Variants in ANKFN1 observed in about 807,000 individuals in gnomAD.
ANKFN1 encodes the protein ankyrin repeat and fibronectin type-III domain-containing protein 1.
Under a neutral mutation model 108.7 loss-of-function variants are expected in ANKFN1, and 74 were observed. The ratio of observed to expected loss-of-function variants is 0.68; its 90% confidence interval spans 0.56 to 0.83. The LOEUF is 0.83. Ranked by LOEUF, ANKFN1 falls within the 40% of genes least tolerant of loss-of-function variation. ANKFN1 has a pLI of 0.00. For synonymous variants in ANKFN1, 547 were observed against 516.2 expected (o/e 1.06, Z -0.81); for missense variants, 1,505 against 1,382.3 (o/e 1.09, Z -1.41).
chr17:56,069,286 T>C lies in ANKFN1; in HGVS notation c.288+22961T>C, dbSNP rs577423429. ...TGGCAAGAAGAGAGAGACCAGAGGGTTTAATGCTTTGTATCTAAAGTGATG... is the reference window on the plus strand; with the variant it reads ...TGGCAAGAAGAGAGAGACCAGAGGGCTTAATGCTTTGTATCTAAAGTGATG... On this transcript the variant is annotated intron_variant, in intron 4 of 12. Coordinates refer to the ANKFN1 transcript ENST00000635860. 7.2e-5 allele frequency among the ~76,000 whole-genome samples: 11 copies of C among 152,050 alleles called. No individual in the cohort carries two copies. The South Asian group carries it at 2.3e-3, about 32-fold the overall frequency.
chr17:56,433,738 C>T lies in ANKFN1; in HGVS notation c.911-6589C>T, dbSNP rs900931068. Among the ~76,000 whole-genome samples, 9 of 151,768 alleles carry T rather than the reference C, an allele frequency of 5.9e-5. No individual in the cohort carries two copies. The South Asian group carries it at 8.3e-4, about 14-fold the overall frequency. ...CAAATAGGGTGCAGTGTATACTGCC[C>T]GGGTGATGGGTGCACCAAAATCTCA... On this transcript the variant is annotated intron_variant, in intron 8 of 20. Coordinates refer to ENST00000682825, the MANE Select transcript of ANKFN1 (RefSeq NM_001370326.1).
intron 8 of ANKFN1, among the ~76,000 whole-genome samples, chr17:56,426,425 C>A (rs189021279): frequency 5.9e-5 from 9 of 152,350 alleles, no homozygotes; most frequent in African/African-American, 2.2e-4. Flanking sequence ...GTGCCAGCTG[C>A]TGTCATGGAC....
At chr17:56,319,787 A>G (rs1025174449) in intron 3 of ANKFN1, among the ~76,000 whole-genome samples, 4 of 152,314 alleles carry the variant, frequency 2.6e-5, no homozygotes, top group African/African-American at 9.6e-5. Context: ...AATGCTTATC[A>G]GAGCTGATCT....
chr17:56,433,239 G>A (rs745349691), intron 8 of ANKFN1, among the ~76,000 whole-genome samples: 5 of 151,972 alleles, frequency 3.3e-5, no homozygotes, highest in Non-Finnish European at 7.4e-5. Context: ...TTAATGGAAT[G>A]GTGCAGTTTC....
chr17:56,434,668 G>T (rs890809940), intron 8 of ANKFN1, among the ~76,000 whole-genome samples: 2 of 151,984 alleles, frequency 1.3e-5, no homozygotes, highest in Non-Finnish European at 2.9e-5. Flanking sequence ...TTTCACGTCA[G>T]TTCCTAATTT....
At chr17:56,189,051 C>T (rs888045671) in intron 1 of ANKFN1, among the ~76,000 whole-genome samples, 2 of 151,678 alleles carry the variant, frequency 1.3e-5, no homozygotes, top group African/African-American at 2.4e-5. Context: ...CTCGAGGCAA[C>T]ATAAAAACCC....
chr17:56,192,967 G>A (rs979870253), intron 1 of ANKFN1, among the ~76,000 whole-genome samples: 3 of 142,424 alleles, frequency 2.1e-5, no homozygotes, highest in African/African-American at 8.1e-5. Flanking sequence ...GTTTATTGTG[G>A]CATTATTCAC....
chr17:56,471,683 C>A (rs1195077776), intron 15 of ANKFN1: 2 of 152,122 alleles, frequency 1.3e-5, no homozygotes, highest in African/African-American at 4.8e-5. Context: ...TGTGGTATAT[C>A]CATATAATGG....
chr17:56,395,742 G>A (rs1450700935), intron 8 of ANKFN1, among the ~76,000 whole-genome samples: 4 of 152,116 alleles, frequency 2.6e-5, no homozygotes, highest in Admixed American at 6.5e-5. Context: ...CCAGCTACTC[G>A]GGAGGCTGAG....
At chr17:56,121,620 G>A (rs1402472612) in intron 4 of ANKFN1, among the ~76,000 whole-genome samples, 1 of 151,810 alleles carries the variant, frequency 6.6e-6, no homozygotes. Flanking sequence ...GAGAGTGCTA[G>A]GGGAAAAAAA....
At chr17:56,302,977 AT>A (rs2044716461) in intron 3 of ANKFN1, among the ~76,000 whole-genome samples, 1 of 152,228 alleles carries the variant, frequency 6.6e-6, no homozygotes, top group African/African-American at 2.4e-5. Context: ...AATGAAATGT[AT>A]GCTGCCTGTT....
intron 8 of ANKFN1, among the ~76,000 whole-genome samples, chr17:56,397,641 T>C (rs1220939889): frequency 6.6e-6 from 1 of 152,208 alleles, no homozygotes; most frequent in Non-Finnish European, 1.5e-5. Flanking sequence ...GTGTTAACTA[T>C]GGCATGATAT....
chr17:56,201,003 G>A (rs908306048), intron 1 of ANKFN1, among the ~76,000 whole-genome samples: 1 of 152,156 alleles, frequency 6.6e-6, no homozygotes, highest in African/African-American at 2.4e-5. Context: ...CAGTGGGTAG[G>A]ACTACTGCAA....
intron 4 of ANKFN1, among the ~76,000 whole-genome samples, chr17:56,069,168 CTGT>C (rs997373939): frequency 3.3e-5 from 5 of 152,176 alleles, no homozygotes; most frequent in Non-Finnish European, 7.3e-5. Context: ...AAGAACAATA[CTGT>C]TGTTTGAATA....
chr17:56,188,714 T>G (rs1439365387), intron 1 of ANKFN1, among the ~76,000 whole-genome samples: 2 of 150,618 alleles, frequency 1.3e-5, no homozygotes, highest in African/African-American at 4.9e-5. Flanking sequence ...TCATCTTTTG[T>G]GCTAATATTT....
intron 3 of ANKFN1, among the ~76,000 whole-genome samples, chr17:56,276,101 G>A (rs2043925235): frequency 6.6e-6 from 1 of 152,038 alleles, no homozygotes; most frequent in Admixed American, 6.5e-5. Context: ...CCACCTATGA[G>A]TGAGAACATG....
At chr17:56,480,957 G>T in intron 17 of ANKFN1, 139 bp downstream of exon 17, 3 of 1,020,870 alleles carry the variant, frequency 2.9e-6, no homozygotes, top group South Asian at 1.6e-5. Context: ...CTTTGCAAGT[G>T]CATGCACATT....
At chr17:56,273,507 G>T (rs1378797915) in intron 3 of ANKFN1, among the ~76,000 whole-genome samples, 1 of 152,084 alleles carries the variant, frequency 6.6e-6, no homozygotes, top group Non-Finnish European at 1.5e-5. Context: ...TGATAATATT[G>T]TCAAGTAGAT....
intron 8 of ANKFN1, among the ~76,000 whole-genome samples, chr17:56,437,311 A>G (rs1238826737): frequency 6.6e-6 from 1 of 152,228 alleles, no homozygotes; most frequent in Non-Finnish European, 1.5e-5. Context: ...TAGAAATTCT[A>G]AAGATCGTAT....
Sources: gnomAD v4.1 joint callset for allele counts (sites outside exome capture counted in the v4.1 genomes callset) on GRCh38, gnomAD v4.1.1 for gene constraint, MANE v1.5 for transcripts, NCBI Gene and HGNC (gene_info 2026-07-23, HGNC 2026-07-21) for gene names.